KHDRBS3: variants seen among roughly 807,000 people sequenced by gnomAD.
KHDRBS3 encodes KH RNA binding domain containing, signal transduction associated 3, also known as KH domain-containing, RNA-binding, signal transduction-associated protein 3.
Under a neutral mutation model 45.6 loss-of-function variants are expected in KHDRBS3, and 23 were observed. The ratio of observed to expected loss-of-function variants is 0.50; its 90% CI spans 0.36 to 0.72. The LOEUF is 0.72. Ranked by LOEUF, KHDRBS3 falls within the 30% of genes least tolerant of loss-of-function variation. The pLI is 0.00. For synonymous variants in KHDRBS3, 162 were observed against 156.5 expected (o/e 1.04, Z -0.26); for missense variants, 352 against 424.8 (o/e 0.83, Z 1.51).
chr8:135,480,239 A>G (rs1822495890), intron 1 of KHDRBS3, among the ~76,000 whole-genome samples: 1 of 152,186 alleles, frequency 6.6e-6, no homozygotes, highest in Admixed American at 6.5e-5. Context: ...CAAAGCAAAG[A>G]TGTTGTCTTT....
chr8:135,601,156 C>T (rs770847531), intron 6 of KHDRBS3, among the ~76,000 whole-genome samples: 1 of 152,174 alleles, frequency 6.6e-6, no homozygotes, highest in Non-Finnish European at 1.5e-5. Flanking sequence ...AAGGATTTGG[C>T]CTGCTTTGCC....
At chr8:135,460,417 C>T (rs899655804) in intron 1 of KHDRBS3, among the ~76,000 whole-genome samples, 4 of 152,192 alleles carry the variant, frequency 2.6e-5, no homozygotes, top group Non-Finnish European at 5.9e-5. Flanking sequence ...GGCAGATGTT[C>T]ATGTCTTCTC....
intron 7 of KHDRBS3, among the ~76,000 whole-genome samples, chr8:135,614,731 G>C (rs1215584630): frequency 6.6e-6 from 1 of 151,678 alleles, no homozygotes; most frequent in Non-Finnish European, 1.5e-5. Flanking sequence ...AAAAAGAGTA[G>C]AGACAGGGGT....
intron 7 of KHDRBS3, among the ~76,000 whole-genome samples, chr8:135,630,098 G>C (rs185349660): frequency 1.2e-4 from 18 of 152,306 alleles, no homozygotes; most frequent in African/African-American, 4.1e-4. Context: ...CTGGTACCAA[G>C]GCTAGAAAAC....
intron 1 of KHDRBS3, among the ~76,000 whole-genome samples, chr8:135,497,129 G>C (rs1823492013): frequency 6.6e-6 from 1 of 152,148 alleles, no homozygotes; most frequent in African/African-American, 2.4e-5. Context: ...GACCATCGTC[G>C]TCATTTGAAT....
intron 6 of KHDRBS3, among the ~76,000 whole-genome samples, chr8:135,585,210 C>G (rs1192072984): frequency 8.2e-6 from 1 of 122,258 alleles, no homozygotes; most frequent in South Asian, 2.5e-4. Context: ...GCCTGGGTGA[C>G]AGAGCGAGAC....
At chr8:135,577,085 A>G (rs548997250) in intron 5 of KHDRBS3, among the ~76,000 whole-genome samples, 1 of 150,606 alleles carries the variant, frequency 6.6e-6, no homozygotes, top group South Asian at 2.1e-4. Flanking sequence ...AACTTCATCA[A>G]CTAGAACAGT....
intron 6 of KHDRBS3, among the ~76,000 whole-genome samples, chr8:135,598,809 A>G (rs982820091): frequency 1.3e-5 from 2 of 152,220 alleles, no homozygotes; most frequent in African/African-American, 4.8e-5. Context: ...TTATAAGACT[A>G]AGCTTTTAAC....
At chr8:135,608,918 G>A (rs1829586818) in intron 7 of KHDRBS3, among the ~76,000 whole-genome samples, 3 of 152,116 alleles carry the variant, frequency 2.0e-5, no homozygotes, top group African/African-American at 7.2e-5. Context: ...TAAAAATGTG[G>A]TATAAAAGAT....
chr8:135,469,237 G>A (rs1482240259), intron 1 of KHDRBS3, among the ~76,000 whole-genome samples: 1 of 152,238 alleles, frequency 6.6e-6, no homozygotes, highest in Non-Finnish European at 1.5e-5. Context: ...ACAGCAGTGA[G>A]AAATCAGGGA....
At chr8:135,571,605 T>G (rs1827705552) in intron 5 of KHDRBS3, among the ~76,000 whole-genome samples, 1 of 152,104 alleles carries the variant, frequency 6.6e-6, no homozygotes, top group African/African-American at 2.4e-5. Flanking sequence ...ACCATGCAAG[T>G]AATTCCGCAG....
chr8:135,617,635 G>A (rs1324392208), intron 7 of KHDRBS3, among the ~76,000 whole-genome samples: 1 of 152,154 alleles, frequency 6.6e-6, no homozygotes, highest in Non-Finnish European at 1.5e-5. Context: ...CAGAGACCGT[G>A]GAACTTCCCT....
intron 8 of KHDRBS3, among the ~76,000 whole-genome samples, chr8:135,645,836 G>A (rs1366807997): frequency 1.3e-5 from 2 of 152,202 alleles, no homozygotes; most frequent in African/African-American, 4.8e-5. Flanking sequence ...AAGCTCTGAT[G>A]AATCCCTGGT....
chr8:135,533,103 A>G (rs966883831), intron 2 of KHDRBS3, among the ~76,000 whole-genome samples: 2 of 151,956 alleles, frequency 1.3e-5, no homozygotes, highest in Non-Finnish European at 2.9e-5. Context: ...TTATTAATTC[A>G]TTTGCTTTCA....
rs139440043 is a variant in KHDRBS3, at chr8:135,572,087, T to G, written c.612-9791T>G. ...AACTTATCTATTATCAAATGGATCA[T>G]TGTTTCCAGAGAGGAAGGAATTTTT... On this transcript the variant is annotated intron_variant, in intron 5 of 8. Transcript: ENST00000355849. 5.5e-3 allele frequency among the ~76,000 whole-genome samples: 835 copies of G among 152,302 alleles called. 1 individual carries two copies. The highest frequency in any genetic ancestry group is 9.0e-3 in the Non-Finnish European group (611 of 68,018).
intron 5 of KHDRBS3, among the ~76,000 whole-genome samples, chr8:135,568,403 T>G (rs991999221): frequency 6.6e-6 from 1 of 152,122 alleles, no homozygotes; most frequent in African/African-American, 2.4e-5. Flanking sequence ...TTCCCCTAAA[T>G]TCCACTAAAT....
At chr8:135,604,706 C>T (rs903940828) in intron 6 of KHDRBS3, among the ~76,000 whole-genome samples, 2 of 151,836 alleles carry the variant, frequency 1.3e-5, no homozygotes, top group Non-Finnish European at 2.9e-5. Flanking sequence ...TACCCATCAA[C>T]ATAGATTTAT....
intron 3 of KHDRBS3, among the ~76,000 whole-genome samples, chr8:135,545,779 A>G (rs912849196): frequency 6.6e-6 from 1 of 152,126 alleles, no homozygotes; most frequent in African/African-American, 2.4e-5. Flanking sequence ...TCCATCAGTC[A>G]TTCTTTCAAA....
intron 5 of KHDRBS3, among the ~76,000 whole-genome samples, chr8:135,561,931 C>T (rs536189220): frequency 6.6e-6 from 1 of 151,844 alleles, no homozygotes; most frequent in East Asian, 1.9e-4. Flanking sequence ...TACAGATTCA[C>T]AGTGTTTGTG....
Sources: gnomAD v4.1 joint callset for allele counts (sites outside exome capture counted in the v4.1 genomes callset) on GRCh38, gnomAD v4.1.1 for gene constraint, MANE v1.5 for transcripts, NCBI Gene and HGNC (gene_info 2026-07-23, HGNC 2026-07-21) for gene names.